SFPQ: variants seen among roughly 807,000 people sequenced by gnomAD.
The protein encoded by SFPQ is splicing factor proline and glutamine rich, also known as splicing factor, proline- and glutamine-rich.
SFPQ carries 11 observed loss-of-function variants against 72.9 expected under a neutral mutation model. That is an observed-to-expected ratio of 0.15 (90% confidence interval 0.09 to 0.25). The LOEUF (loss-of-function observed/expected upper bound fraction) is 0.25, where lower values mean the gene tolerates loss of function less well. SFPQ is among the 10% of genes least tolerant of loss of function. The pLI, the probability that SFPQ is intolerant of heterozygous loss-of-function variation, is 1.00. For missense variants in SFPQ, 847 were observed against 993.3 expected (o/e 0.85, Z 1.98); for synonymous variants, 506 against 367.3 (o/e 1.38, Z -4.32).
At chr1:35,189,691 G>A (rs770887906) in intron 4 of SFPQ, among the ~76,000 whole-genome samples, 6 of 152,110 alleles carry the variant, frequency 3.9e-5, no homozygotes, top group Non-Finnish European at 8.8e-5. Context: ...GCTCACCCCT[G>A]TAATCCCTGC....
At position 35,187,186 on chromosome 1, in the gene SFPQ, T is replaced by C; in HGVS notation, c.1864+17A>G. On this transcript the variant is annotated intron_variant, in intron 8 of 9. Coordinates refer to ENST00000357214, the MANE Select transcript of SFPQ (RefSeq NM_005066.3). ...ACTACTCTCTACTTATATCATTAAT[T>C]TAAATTTCACACTTACCTCCCATGT... 1 of 1,614,118 alleles carries C rather than the reference T, an allele frequency of 6.2e-7. No homozygotes were observed. The highest frequency in any genetic ancestry group is 8.5e-7 in the Non-Finnish European group (1 of 1,179,982).
At chr1:35,190,645 A>G (rs372439348) in intron 3 of SFPQ, 49 bp downstream of exon 3, 7 of 1,608,798 alleles carry the variant, frequency 4.4e-6, no homozygotes, top group South Asian at 1.1e-5. Context: ...TATTGCCACC[A>G]TTCTCATATA....
In SFPQ at chr1:35,183,897, C is replaced by T; in HGVS notation, c.*559G>A. The T allele has an allele frequency of 4.8e-6, 5 of 1,051,330 alleles. No homozygotes were observed. Among genetic ancestry groups the T allele is most frequent in the Non-Finnish European group, 5.7e-6 (5 of 870,318 alleles). The allele number at this position is 1,051,330 out of a possible 1,614,324, so 65.1% of individuals were successfully genotyped here. A position where few individuals can be genotyped will look rare whatever the true frequency, so the allele number is the denominator to read the frequency against. On this transcript the variant is annotated 3_prime_UTR_variant, in exon 10 of 10. Transcript: ENST00000357214. ...CCATTTAAAAAATACTTAGCACCAG[C>T]GTGCTTCCTATATGCCAAACAAATC...
chr1:35,183,711 C>A lies in SFPQ; in HGVS notation c.*745G>T, dbSNP rs1287026671. ...GAAATGGGGAAATGCAACAAAATGA[C>A]CTTTCCACTTTTCAAAAGCTTTCAA... On this transcript the variant is annotated 3_prime_UTR_variant, in exon 10 of 10. Coordinates refer to ENST00000357214, the MANE Select transcript of SFPQ (RefSeq NM_005066.3). 7.7e-6 allele frequency: 8 copies of A among 1,045,136 alleles called. No individual in the cohort carries two copies. Among genetic ancestry groups the A allele is most frequent in the Non-Finnish European group, 9.2e-6 (8 of 866,414 alleles). 64.7% of individuals were successfully genotyped at this position (1,045,136 alleles called of 1,614,324 possible). A position where few individuals can be genotyped will look rare whatever the true frequency, so the allele number is the denominator to read the frequency against.
At position 35,192,796 on chromosome 1, in the gene SFPQ, TGCGGTGGCGGCTGCTGCG is replaced by T. The variant is rs764414757; in HGVS notation, c.236_253del (p.Pro79_Pro84del). ...CGGCTGTGGATGCGGCGGCGGCTGA[TGCGGTGGCGGCTGCTGCG>T]GCGGTGGCTGCTGCGGTGGTGGCTG... On this transcript the variant is annotated inframe_deletion, in exon 1 of 10. Coordinates refer to ENST00000357214, the MANE Select transcript of SFPQ (RefSeq NM_005066.3). 4.7e-6 allele frequency: 7 copies of T among 1,503,644 alleles called. No homozygotes were observed. The highest frequency in any genetic ancestry group is 6.2e-6 in the Non-Finnish European group (7 of 1,132,898). 93.1% of individuals were successfully genotyped at this position (1,503,644 alleles called of 1,614,324 possible). A position where few individuals can be genotyped will look rare whatever the true frequency, so the allele number is the denominator to read the frequency against.
At chr1:35,186,921 A>C in intron 9 of SFPQ, 80 bp downstream of exon 9, 1 of 1,458,014 alleles carries the variant, frequency 6.9e-7, no homozygotes, top group Non-Finnish European at 9.3e-7. Context: ...TACTTAAAAA[A>C]ACAAAACAAA....
At chr1:35,192,102 G>A (rs1463308886) in intron 1 of SFPQ, 120 bp downstream of exon 1, 8 of 825,702 alleles carry the variant, frequency 9.7e-6, no homozygotes, top group East Asian at 7.3e-5. Flanking sequence ...CCCCCGCAGC[G>A]GCGCGCGCAA....
chr1:35,177,955 C>T, downstream of SFPQ: 1 of 1,066,150 alleles, frequency 9.4e-7, no homozygotes, highest in South Asian at 1.7e-5. Context: ...AACTCAAAAG[C>T]CTGTAGGGGT....
chr1:35,177,885 G>T (rs753550240), intron 4 of SFPQ: 2 of 381,004 alleles, frequency 5.2e-6, no homozygotes, highest in Non-Finnish European at 7.8e-6. Context: ...TCTTAGAAAC[G>T]GTAAACATCT....
chr1:35,191,220 T>G, intron 2 of SFPQ, 121 bp downstream of exon 2: 1 of 922,426 alleles, frequency 1.1e-6, no homozygotes, highest in Admixed American at 2.7e-5. Context: ...GTAAGAATGG[T>G]GAAAAATCTA....
At chr1:35,178,090 T>C, downstream of SFPQ, 1 of 1,225,168 alleles carries the variant, frequency 8.2e-7, no homozygotes, top group Non-Finnish European at 1.0e-6. Context: ...AAAATAAAGG[T>C]TTGAAAATGC....
At chr1:35,187,360 A>T in intron 7 of SFPQ, 109 bp from the exon 8 acceptor site, 3 of 992,638 alleles carry the variant, frequency 3.0e-6, no homozygotes, top group Middle Eastern at 2.1e-4. Flanking sequence ...AAAGTTCAAA[A>T]GTTCATCATG....
downstream of SFPQ, chr1:35,178,456 G>A (rs1314749414): frequency 2.8e-6 from 3 of 1,064,106 alleles, no homozygotes; most frequent in African/African-American, 1.6e-5. Context: ...TTGTCAGGCA[G>A]GCTGACCACC....
Position 35,184,285 on chromosome 1 carries a change from AC to A in SFPQ, c.*170del. 7.1e-7 allele frequency: 1 copy of A among 1,407,816 alleles called. No homozygotes were observed. Among genetic ancestry groups the A allele is most frequent in the Non-Finnish European group, 9.2e-7 (1 of 1,090,198 alleles). The allele number at this position is 1,407,816 out of a possible 1,614,324, so 87.2% of individuals were successfully genotyped here. A position where few individuals can be genotyped will look rare whatever the true frequency, so the allele number is the denominator to read the frequency against. ...GGAAAAAAAAATTCTCCTGTTCCAA[AC>A]ACTGCATTACATAATTTTACCTGCC... On this transcript the variant is annotated 3_prime_UTR_variant, in exon 10 of 10. Coordinates refer to ENST00000357214, the MANE Select transcript of SFPQ (RefSeq NM_005066.3).
rs747935402 is a variant in SFPQ at position 35,192,695 on chromosome 1, G to C, written c.355C>G (p.Pro119Ala). Residue 119 changes from proline (P) to alanine (A), a missense_variant, in exon 1 of 10, where the codon CCC becomes GCC. Physicochemically the swap from Pro to Ala is conservative, Grantham distance 27. Coordinates refer to ENST00000357214, the MANE Select transcript of SFPQ (RefSeq NM_005066.3). The part of the protein sequence containing the change: ...PVVAQGPGPA[P>A]GVGSAPPASS... ...GCTGGTGGTGCGCTGCCTACTCCGGGAGCGGGGCCGGGTCCCTGAGCAACG... is the reference window on the plus strand; with the variant it reads ...GCTGGTGGTGCGCTGCCTACTCCGGCAGCGGGGCCGGGTCCCTGAGCAACG... The C allele has an allele frequency of 2.1e-6, 3 of 1,441,966 alleles. No homozygotes were observed. The highest frequency in any genetic ancestry group is 2.9e-5 in the East Asian group (1 of 34,580). The allele number at this position is 1,441,966 out of a possible 1,614,324, so 89.3% of individuals were successfully genotyped here.
rs2148625663 is a variant in SFPQ at position 35,191,288 on chromosome 1, A to G, written c.1017+53T>C. The G allele has an allele frequency of 6.6e-6, 10 of 1,503,896 alleles. No individual in the cohort carries two copies. In the South Asian group the frequency reaches 1.2e-4, roughly 17 times the overall value. The allele number at this position is 1,503,896 out of a possible 1,614,324, so 93.2% of individuals were successfully genotyped here. ...CAAGCCTTCAGCGTTTGTAGTGACAAAAAAATCCCCCACCCTTTTTAATTC... is the reference window on the plus strand; with the variant it reads ...CAAGCCTTCAGCGTTTGTAGTGACAGAAAAATCCCCCACCCTTTTTAATTC... On this transcript the variant is annotated intron_variant, in intron 2 of 9. Transcript: ENST00000357214.
chr1:35,176,649 C>T (rs755466878), intron 5 of SFPQ, among the ~76,000 whole-genome samples: 58 of 151,824 alleles, frequency 3.8e-4, no homozygotes, highest in Non-Finnish European at 7.2e-4. Flanking sequence ...GAGGGCGGAT[C>T]ACAGGGTCAG....
chr1:35,191,224 A>G lies in SFPQ; in HGVS notation c.1017+117T>C, dbSNP rs186793620. ...GCATTTTTCCTGTAAGAATGGTGAAAAATCTAAAAGATCAATTTATCCTCC... is the reference window on the plus strand; with the variant it reads ...GCATTTTTCCTGTAAGAATGGTGAAGAATCTAAAAGATCAATTTATCCTCC... On this transcript the variant is annotated intron_variant, in intron 2 of 9. Transcript: ENST00000357214. 791 of 949,878 alleles carry G rather than the reference A, an allele frequency of 8.3e-4. 3 individuals carry two copies. The African/African-American group carries it at 0.011, about 14-fold the overall frequency. The allele number at this position is 949,878 out of a possible 1,614,324, so 58.8% of individuals were successfully genotyped here. A position where few individuals can be genotyped will look rare whatever the true frequency, so the allele number is the denominator to read the frequency against.
downstream of SFPQ, chr1:35,182,074 T>C: frequency 1.0e-6 from 1 of 985,378 alleles, no homozygotes; most frequent in South Asian, 4.7e-5. Context: ...TTAGGGGGTC[T>C]GTGCCAGCAT....
Sources: gnomAD v4.1 joint callset for allele counts (sites outside exome capture counted in the v4.1 genomes callset) on GRCh38, gnomAD v4.1.1 for gene constraint, MANE v1.5 for transcripts, NCBI Gene and HGNC (gene_info 2026-07-23, HGNC 2026-07-21) for gene names.